ADAM9: variants seen among roughly 807,000 people sequenced by gnomAD.
ADAM9 encodes ADAM metallopeptidase domain 9.
Under a neutral mutation model 108.1 loss-of-function variants are expected in ADAM9, and 54 were observed. The ratio of observed to expected loss-of-function variants is 0.50; its 90% CI spans 0.40 to 0.63. The LOEUF (loss-of-function observed/expected upper bound fraction) is 0.63, where lower values mean the gene tolerates loss of function less well. Ranked by LOEUF, ADAM9 falls within the 20% of genes least tolerant of loss-of-function variation. The pLI, the probability that ADAM9 is intolerant of heterozygous loss-of-function variation, is 0.00. For missense variants in ADAM9, 830 were observed against 997.7 expected (o/e 0.83, Z 2.26); for synonymous variants, 316 against 336.0 (o/e 0.94, Z 0.65).
chr8:38,998,130 T>C (rs1184140601), intron 1 of ADAM9, among the ~76,000 whole-genome samples: 1 of 152,266 alleles, frequency 6.6e-6, no homozygotes, highest in African/African-American at 2.4e-5. Context: ...TTGAAAGTTA[T>C]TCAAAGGTGA....
chr8:39,055,879 T>C, intron 14 of ADAM9, 107 bp downstream of exon 14: 1 of 1,152,294 alleles, frequency 8.7e-7, no homozygotes. Context: ...GGCTCTCTTG[T>C]TTCTCATCGT....
chr8:39,011,519 A>G, intron 2 of ADAM9, 139 bp from the exon 3 acceptor site: 1 of 717,816 alleles, frequency 1.4e-6, no homozygotes, highest in South Asian at 1.7e-5. Flanking sequence ...AATAGACACA[A>G]AGTTCTTCTA....
intron 2 of ADAM9, among the ~76,000 whole-genome samples, chr8:39,008,621 A>G (rs1405065098): frequency 6.6e-6 from 1 of 152,232 alleles, no homozygotes; most frequent in Non-Finnish European, 1.5e-5. Context: ...TTATAATAAG[A>G]ATTATAATTC....
chr8:39,040,838 A>G (rs765593023), intron 11 of ADAM9, among the ~76,000 whole-genome samples: 1 of 152,218 alleles, frequency 6.6e-6, no homozygotes, highest in Non-Finnish European at 1.5e-5. Context: ...CCAGGAGGAT[A>G]CAATGGGGAA....
intron 11 of ADAM9, among the ~76,000 whole-genome samples, chr8:39,040,127 A>G (rs1181412461): frequency 1.3e-5 from 2 of 151,700 alleles, no homozygotes; most frequent in African/African-American, 2.4e-5. Context: ...TCGGCTCACT[A>G]CAACCTCTGC....
Position 39,103,814 on chromosome 8 carries a change from A to G in ADAM9, c.*114A>G, listed in dbSNP as rs1183973051. On this transcript the variant is annotated 3_prime_UTR_variant, in exon 22 of 22. Coordinates refer to ENST00000487273, the MANE Select transcript of ADAM9 (RefSeq NM_003816.3). ...TTGCAACTATGAATGAAAACAAAAC[A>G]CCACAAAACAGACTTCACTAACACA... is the stretch of plus-strand genomic sequence containing the variant. 2.0e-6 allele frequency: 2 copies of G among 980,748 alleles called. No individual in the cohort carries two copies. Among genetic ancestry groups the G allele is most frequent in the African/African-American group, 1.6e-5 (1 of 62,794 alleles). 60.8% of individuals were successfully genotyped at this position (980,748 alleles called of 1,614,324 possible).
At chr8:39,033,012 G>T (rs1371862354) in intron 11 of ADAM9, among the ~76,000 whole-genome samples, 1 of 152,220 alleles carries the variant, frequency 6.6e-6, no homozygotes, top group Non-Finnish European at 1.5e-5. Flanking sequence ...TATAGATCAA[G>T]TTGGGGAACT....
At chr8:39,034,862 T>C (rs1837218636) in intron 11 of ADAM9, among the ~76,000 whole-genome samples, 1 of 152,224 alleles carries the variant, frequency 6.6e-6, no homozygotes, top group East Asian at 1.9e-4. Flanking sequence ...GAAAAAAATA[T>C]ACAACATGCA....
At chr8:39,045,331 T>TAC (rs1837676220) in intron 12 of ADAM9, among the ~76,000 whole-genome samples, 2 of 147,922 alleles carry the variant, frequency 1.4e-5, no homozygotes, top group African/African-American at 5.0e-5. Flanking sequence ...TACATGTGTG[T>TAC]GTACACCTAT....
intron 20 of ADAM9, among the ~76,000 whole-genome samples, chr8:39,100,792 A>G (rs1175104444): frequency 6.6e-6 from 1 of 152,256 alleles, no homozygotes; most frequent in Non-Finnish European, 1.5e-5. Context: ...AACAGTAGAT[A>G]GTAAAGAACA....
chr8:39,007,353 G>A (rs1375532583), intron 1 of ADAM9, among the ~76,000 whole-genome samples: 3 of 152,196 alleles, frequency 2.0e-5, no homozygotes. Flanking sequence ...TCCCAACACT[G>A]GCACACTGGG....
chr8:39,027,674 G>C (rs1407282913), intron 11 of ADAM9, among the ~76,000 whole-genome samples: 2 of 152,290 alleles, frequency 1.3e-5, no homozygotes, highest in African/African-American at 2.4e-5. Flanking sequence ...TGCCAACGAG[G>C]TTCCTTCCTA....
chr8:38,999,178 T>C (rs1275621668), intron 1 of ADAM9, among the ~76,000 whole-genome samples: 1 of 152,158 alleles, frequency 6.6e-6, no homozygotes, highest in African/African-American at 2.4e-5. Context: ...ACTGAAACAT[T>C]TTCCAGGATC....
In ADAM9 at chr8:39,090,052, A is replaced by G. The variant is rs201381097; in HGVS notation, c.2074A>G (p.Asn692Asp). 4 of 1,613,876 alleles carry G rather than the reference A, an allele frequency of 2.5e-6. No homozygotes were observed. Among genetic ancestry groups the G allele is most frequent in the Non-Finnish European group, 3.4e-6 (4 of 1,179,922 alleles). ...VDSGPTYNEM[N>D]TALRDGLLVF... ...TGTAAAATTCTTCTCTCTAGAAATGAATACTGCATTGAGGGACGGACTTCT... is the reference window on the plus strand; with the variant it reads ...TGTAAAATTCTTCTCTCTAGAAATGGATACTGCATTGAGGGACGGACTTCT... The change falls in exon 19 of 22, where the codon AAT (asparagine) becomes GAT (aspartate). Residue 692 changes from asparagine (N) to aspartate (D), a missense_variant. Asn to Asp is a conservative substitution (Grantham distance 23, BLOSUM62 1). Coordinates refer to ENST00000487273, the MANE Select transcript of ADAM9 (RefSeq NM_003816.3).
intron 1 of ADAM9, among the ~76,000 whole-genome samples, chr8:39,001,770 C>T (rs979187880): frequency 1.1e-4 from 16 of 151,600 alleles, no homozygotes; most frequent in African/African-American, 3.4e-4. Context: ...CAGGTTCAAG[C>T]GATCCTTCTG....
chr8:39,103,932 A>G lies in ADAM9; in HGVS notation c.*232A>G. On this transcript the variant is annotated 3_prime_UTR_variant, in exon 22 of 22. Coordinates refer to ENST00000487273, the MANE Select transcript of ADAM9 (RefSeq NM_003816.3). ...ATAACATTTCCGTTTCCATCATTGA[A>G]TAAGTCTTATTCAGTCATCGGTGAG... is the stretch of plus-strand genomic sequence containing the variant. 1 of 670,088 alleles carries G rather than the reference A, an allele frequency of 1.5e-6. No homozygotes were observed. The allele number at this position is 670,088 out of a possible 1,614,324, so 41.5% of individuals were successfully genotyped here. A position where few individuals can be genotyped will look rare whatever the true frequency, so the allele number is the denominator to read the frequency against.
At chr8:39,086,759 AC>A (rs1839191925) in intron 18 of ADAM9, among the ~76,000 whole-genome samples, 1 of 152,164 alleles carries the variant, frequency 6.6e-6, no homozygotes, top group South Asian at 2.1e-4. Flanking sequence ...TGTTTGAGTT[AC>A]GTCGACATAG....
chr8:39,025,607 G>A (rs1354618293), intron 9 of ADAM9, among the ~76,000 whole-genome samples, 196 bp from the exon 10 acceptor site: 1 of 151,830 alleles, frequency 6.6e-6, no homozygotes, highest in Non-Finnish European at 1.5e-5. Context: ...TCCAGAAAGT[G>A]TCTTCATTTG....
In ADAM9 at chr8:39,010,809, C is replaced by T. The variant is rs542894922; in HGVS notation, c.196-849C>T. On this transcript the variant is annotated intron_variant, in intron 2 of 21. Transcript: ENST00000487273. ...GTTTTATGTACCACTAATAAAGACA[C>T]GGAAGTGGCCCAGCAGGGTGGTTTA... Among the ~76,000 whole-genome samples the T allele has an allele frequency of 3.9e-5, 6 of 152,182 alleles. No individual in the cohort carries two copies. The South Asian group carries it at 6.2e-4, about 16-fold the overall frequency.
Sources: allele counts gnomAD v4.1 joint callset (sites outside exome capture counted in the v4.1 genomes callset), GRCh38; gene constraint gnomAD v4.1.1; transcripts MANE v1.5; gene names NCBI Gene and HGNC (gene_info 2026-07-23, HGNC 2026-07-21).